Variants in ATRNL1 observed in about 807,000 individuals in gnomAD.
ATRNL1 encodes attractin-like protein 1.
In ATRNL1, 95 loss-of-function variants were observed where a neutral mutation model predicts 182.7. The ratio of observed to expected loss-of-function variants is 0.52; its 90% CI spans 0.44 to 0.62. The LOEUF (loss-of-function observed/expected upper bound fraction) is 0.62, where lower values mean the gene tolerates loss of function less well. Ranked by LOEUF, ATRNL1 falls within the 20% of genes least tolerant of loss-of-function variation. The pLI is 0.00. For synonymous variants in ATRNL1, 576 were observed against 568.3 expected (o/e 1.01, Z -0.19); for missense variants, 1,471 against 1,679.5 (o/e 0.88, Z 2.17).
chr10:115,751,601 C>G (rs999209398), intron 27 of ATRNL1, among the ~76,000 whole-genome samples: 3 of 151,920 alleles, frequency 2.0e-5, no homozygotes, highest in African/African-American at 7.2e-5. Context: ...TTTTTCAGCC[C>G]TATTTGTAAT....
intron 26 of ATRNL1, among the ~76,000 whole-genome samples, chr10:115,596,244 T>TA (rs1351441571): frequency 6.6e-6 from 1 of 152,086 alleles, no homozygotes; most frequent in Non-Finnish European, 1.5e-5. Context: ...TAGCTGGGAT[T>TA]ACAGGCACCT....
chr10:115,799,917 T>C (rs1949752043), intron 27 of ATRNL1, among the ~76,000 whole-genome samples: 1 of 152,244 alleles, frequency 6.6e-6, no homozygotes, highest in Non-Finnish European at 1.5e-5. Context: ...CTGATACTTT[T>C]CTTCTTTTAG....
intron 26 of ATRNL1, among the ~76,000 whole-genome samples, chr10:115,713,447 G>GTGTGTGTGTGTGTGTGTGTT (rs1175776390): frequency 2.4e-4 from 26 of 108,810 alleles, no homozygotes; most frequent in South Asian, 3.7e-4. Flanking sequence ...AAGTGGCTGT[G>GTGTGTGTGTGTGTGTGTGTT]TGTGTGTGTG....
chr10:115,812,542 T>C (rs1323749329), intron 27 of ATRNL1, among the ~76,000 whole-genome samples: 1 of 152,196 alleles, frequency 6.6e-6, no homozygotes, highest in Non-Finnish European at 1.5e-5. Context: ...AATGGCACGA[T>C]CTCGGCTCAC....
intron 13 of ATRNL1, among the ~76,000 whole-genome samples, chr10:115,279,484 G>C (rs1422913480): frequency 1.3e-5 from 2 of 152,068 alleles, no homozygotes; most frequent in Non-Finnish European, 2.9e-5. Context: ...GGTGTCATCT[G>C]TTGCACACAC....
intron 8 of ATRNL1, among the ~76,000 whole-genome samples, chr10:115,208,105 T>A (rs1554894207): frequency 6.6e-6 from 1 of 152,088 alleles, no homozygotes; most frequent in African/African-American, 2.4e-5. Flanking sequence ...CTTGTGCTAA[T>A]TCTGTTAAAT....
At chr10:115,889,058 C>T (rs932966388) in intron 28 of ATRNL1, among the ~76,000 whole-genome samples, 1 of 152,178 alleles carries the variant, frequency 6.6e-6, no homozygotes, top group East Asian at 1.9e-4. Context: ...AGGACAAGAT[C>T]TAAGCCCAAA....
intron 19 of ATRNL1, among the ~76,000 whole-genome samples, chr10:115,383,492 A>G (rs540489368): frequency 4.6e-5 from 7 of 152,050 alleles, no homozygotes; most frequent in African/African-American, 1.7e-4. Context: ...TAAGACTTGC[A>G]GACATTTTCC....
chr10:115,333,270 A>G (rs143759546), intron 18 of ATRNL1, among the ~76,000 whole-genome samples: 2 of 152,344 alleles, frequency 1.3e-5, no homozygotes, highest in Non-Finnish European at 1.5e-5. Flanking sequence ...CACAAAGAGC[A>G]TGAGCCTTTC....
intron 26 of ATRNL1, among the ~76,000 whole-genome samples, chr10:115,681,357 T>C (rs192689050): frequency 2.3e-4 from 35 of 152,218 alleles, no homozygotes; most frequent in African/African-American, 7.9e-4. Flanking sequence ...ATAAAGACTT[T>C]TACGTGTGTT....
At chr10:115,366,801 A>G (rs1310859995) in intron 19 of ATRNL1, among the ~76,000 whole-genome samples, 12 of 149,478 alleles carry the variant, frequency 8.0e-5, no homozygotes, top group Non-Finnish European at 1.6e-4. Context: ...TGGATATGAA[A>G]TTCTGGGTTG....
rs1395075293 is a variant in ATRNL1 at position 115,239,982 on chromosome 10, T to C, written c.1533-1589T>C. Among the ~76,000 whole-genome samples, 4 of 152,158 alleles carry C rather than the reference T, an allele frequency of 2.6e-5. No individual in the cohort carries two copies. In the East Asian group the frequency reaches 7.7e-4, roughly 29 times the overall value. On this transcript the variant is annotated intron_variant, in intron 9 of 28. Transcript: ENST00000355044. ...TGAAGGAGCCTTATGTTCTTGGCTTTACTTGCCTGGGGTAGAATTTCTATC... is the reference window on the plus strand; with the variant it reads ...TGAAGGAGCCTTATGTTCTTGGCTTCACTTGCCTGGGGTAGAATTTCTATC...
chr10:115,528,415 T>A lies in ATRNL1; in HGVS notation c.3716+9091T>A, dbSNP rs546591108. ...GCTTATCCAATTTATTAGTGTATAATTGTTCATAGTACTCTCCTATAATCA... is the reference window on the plus strand; with the variant it reads ...GCTTATCCAATTTATTAGTGTATAAATGTTCATAGTACTCTCCTATAATCA... On this transcript the variant is annotated intron_variant, in intron 25 of 28. Coordinates refer to ENST00000355044, the MANE Select transcript of ATRNL1 (RefSeq NM_207303.4). Among the ~76,000 whole-genome samples the A allele has an allele frequency of 2.6e-5, 4 of 152,258 alleles. No individual in the cohort carries two copies. The South Asian group carries it at 8.3e-4, about 32-fold the overall frequency.
chr10:115,446,697 G>A (rs1847014769), intron 21 of ATRNL1, among the ~76,000 whole-genome samples: 1 of 151,968 alleles, frequency 6.6e-6, no homozygotes, highest in Non-Finnish European at 1.5e-5. Flanking sequence ...ATTGGAATTT[G>A]GAGCCTGAAG....
At chr10:115,254,168 G>A (rs1243968874) in intron 10 of ATRNL1, among the ~76,000 whole-genome samples, 2 of 152,180 alleles carry the variant, frequency 1.3e-5, no homozygotes, top group Admixed American at 1.3e-4. Context: ...GGATTGCTGG[G>A]TCAAATGGTA....
chr10:115,183,409 C>A (rs1847821060), intron 8 of ATRNL1, among the ~76,000 whole-genome samples: 1 of 150,404 alleles, frequency 6.6e-6, no homozygotes, highest in African/African-American at 2.4e-5. Context: ...GATGTAAGAA[C>A]AGAAAAACAG....
At chr10:115,138,722 C>T (rs1845628386) in intron 5 of ATRNL1, among the ~76,000 whole-genome samples, 1 of 152,174 alleles carries the variant, frequency 6.6e-6, no homozygotes, top group African/African-American at 2.4e-5. Context: ...TGATGGGAGG[C>T]GATGCTGTGA....
At chr10:115,867,648 C>T (rs1951468950) in intron 28 of ATRNL1, among the ~76,000 whole-genome samples, 1 of 152,134 alleles carries the variant, frequency 6.6e-6, no homozygotes, top group African/African-American at 2.4e-5. Flanking sequence ...AACATAGCCA[C>T]AGATTGGGAA....
intron 18 of ATRNL1, among the ~76,000 whole-genome samples, 153 bp downstream of exon 18, chr10:115,315,889 A>C (rs781808696): frequency 6.6e-6 from 1 of 152,228 alleles, no homozygotes; most frequent in African/African-American, 2.4e-5. Context: ...TCCATAGACT[A>C]TATCTATCTC....
Sources: gnomAD v4.1 joint callset for allele counts (sites outside exome capture counted in the v4.1 genomes callset) on GRCh38, gnomAD v4.1.1 for gene constraint, MANE v1.5 for transcripts, NCBI Gene and HGNC (gene_info 2026-07-23, HGNC 2026-07-21) for gene names.